The following LRGUK variants were observed in gnomAD, a reference collection of about 807,000 sequenced individuals.
The protein encoded by LRGUK is leucine rich repeats and guanylate kinase domain containing.
A neutral mutation model predicts 76.0 loss-of-function variants in LRGUK; 65 were observed. The observed-to-expected ratio is 0.85, with a 90% CI of 0.70 to 1.05. LRGUK has a LOEUF of 1.05. Among genes scored for constraint, LRGUK ranks in the 50% least tolerant of loss-of-function variants. LRGUK has a pLI of 0.00. For missense variants in LRGUK, 758 were observed against 732.8 expected (o/e 1.03, Z -0.40); for synonymous variants, 268 against 265.6 (o/e 1.01, Z -0.09).
At chr7:134,150,559 G>T (rs1049890037) in intron 5 of LRGUK, among the ~76,000 whole-genome samples, 1 of 151,716 alleles carries the variant, frequency 6.6e-6, no homozygotes, top group African/African-American at 2.4e-5. Flanking sequence ...TAGCCAGAAA[G>T]AATTCAGCAA....
At chr7:134,254,981 GT>G (rs2117219105) in intron 18 of LRGUK, among the ~76,000 whole-genome samples, 1 of 152,114 alleles carries the variant, frequency 6.6e-6, no homozygotes, top group African/African-American at 2.4e-5. Context: ...TTTCCTTCTA[GT>G]TTTCTGTATT....
At chr7:134,271,485 G>C in the LRGUK span, among the ~76,000 whole-genome samples, 1 of 151,792 alleles carries the variant, frequency 6.6e-6, no homozygotes, top group Admixed American at 6.6e-5. Context: ...TATGATGTGA[G>C]ATAGGATTGA....
rs1000382344 is a variant in LRGUK at position 134,215,604 on chromosome 7, T to A, written c.1844-6175T>A. Among the ~76,000 whole-genome samples, 8 of 149,304 alleles carry A rather than the reference T, an allele frequency of 5.4e-5. No homozygotes were observed. In the East Asian group the frequency reaches 5.8e-4, roughly 11 times the overall value. ...ATGTATACGTTTTATATAAAGCTTT[T>A]AAAAAAAAAAGGCACTTGAGAACAA... On this transcript the variant is annotated intron_variant, in intron 15 of 19. Transcript: ENST00000285928.
At chr7:134,202,039 G>C (rs776616479) in intron 15 of LRGUK, among the ~76,000 whole-genome samples, 1 of 152,158 alleles carries the variant, frequency 6.6e-6, no homozygotes, top group Non-Finnish European at 1.5e-5. Context: ...CAATGTTCCT[G>C]ATCCTAGCCC....
At chr7:134,231,135 C>T (rs563186447) in intron 16 of LRGUK, among the ~76,000 whole-genome samples, 1 of 152,268 alleles carries the variant, frequency 6.6e-6, no homozygotes, top group South Asian at 2.1e-4. Flanking sequence ...CACCCAGAGT[C>T]CAACTTGATG....
At chr7:134,261,128 G>C (rs570650324) in intron 19 of LRGUK, among the ~76,000 whole-genome samples, 1 of 152,066 alleles carries the variant, frequency 6.6e-6, no homozygotes, top group African/African-American at 2.4e-5. Context: ...ATGTTTCCAC[G>C]GGACAATAAG....
downstream of LRGUK, among the ~76,000 whole-genome samples, chr7:134,268,396 C>A (rs1182536751): frequency 3.9e-5 from 6 of 151,944 alleles, no homozygotes; most frequent in Non-Finnish European, 7.4e-5. Flanking sequence ...TCTTAAAAAA[C>A]ACAAACTCCC....
intron 1 of LRGUK, among the ~76,000 whole-genome samples, chr7:134,128,950 T>C (rs1428809468): frequency 6.6e-6 from 1 of 152,248 alleles, no homozygotes; most frequent in Non-Finnish European, 1.5e-5. Flanking sequence ...CAAAGTTTTC[T>C]TTAGGTTTTT....
chr7:134,248,689 T>C (rs1460224621), intron 17 of LRGUK, among the ~76,000 whole-genome samples: 1 of 152,224 alleles, frequency 6.6e-6, no homozygotes, highest in Non-Finnish European at 1.5e-5. Context: ...TCCAGGAAGA[T>C]AATTTGCCTA....
chr7:134,263,092 TTTGACTTTTCA>T (rs1400693010), intron 19 of LRGUK, among the ~76,000 whole-genome samples: 3 of 152,154 alleles, frequency 2.0e-5, no homozygotes, highest in African/African-American at 7.2e-5. Flanking sequence ...CAATGTTCCC[TTTGACTTTTCA>T]TTGGTTTGAT....
Position 134,161,102 on chromosome 7 carries a change from G to A in LRGUK, c.796-2295G>A, listed in dbSNP as rs557861744. On this transcript the variant is annotated intron_variant, in intron 6 of 15. Transcript: ENST00000645682. ...TAGAGATACTGTCGGAAGCATTACA[G>A]TCTATCTACCACACCTAAGGGACTT... Among the ~76,000 whole-genome samples the A allele has an allele frequency of 5.3e-5, 8 of 152,272 alleles. 2 individuals carry two copies. Among genetic ancestry groups the A allele is most frequent in the African/African-American group, 1.9e-4 (8 of 41,554 alleles).
At chr7:134,239,264 G>A (rs956657824) in intron 16 of LRGUK, among the ~76,000 whole-genome samples, 5 of 152,312 alleles carry the variant, frequency 3.3e-5, no homozygotes, top group East Asian at 3.9e-4. Context: ...CGCCTCACCC[G>A]GGAAGCGCAA....
intron 11 of LRGUK, among the ~76,000 whole-genome samples, chr7:134,189,353 G>A (rs1360896422): frequency 6.6e-6 from 1 of 152,074 alleles, no homozygotes; most frequent in East Asian, 1.9e-4. Flanking sequence ...GTGAAATGTT[G>A]CCTTCACTAT....
At chr7:134,272,501 C>T in the LRGUK span, among the ~76,000 whole-genome samples, 6 of 151,934 alleles carry the variant, frequency 3.9e-5, no homozygotes, top group African/African-American at 9.7e-5. Context: ...GAAGTAAATA[C>T]CACACAAATA....
chr7:134,240,668 G>A (rs189538563), intron 16 of LRGUK, among the ~76,000 whole-genome samples: 9 of 152,268 alleles, frequency 5.9e-5, no homozygotes, highest in Non-Finnish European at 1.0e-4. Context: ...ACCTAGCGAG[G>A]CAGGCCAACA....
chr7:134,199,504 G>A, intron 14 of LRGUK, 83 bp downstream of exon 14: 1 of 1,237,272 alleles, frequency 8.1e-7, no homozygotes, highest in Non-Finnish European at 1.1e-6. Flanking sequence ...AAAATTCTTG[G>A]GTAAAAGCTA....
At chr7:134,141,041 G>C (rs1239645565) in intron 3 of LRGUK, among the ~76,000 whole-genome samples, 2 of 152,250 alleles carry the variant, frequency 1.3e-5, no homozygotes, top group Non-Finnish European at 2.9e-5. Context: ...GTAGGAAATC[G>C]CGGAGTGGTG....
chr7:134,224,716 A>G (rs1330101574), intron 16 of LRGUK, among the ~76,000 whole-genome samples: 1 of 152,138 alleles, frequency 6.6e-6, no homozygotes, highest in Non-Finnish European at 1.5e-5. Flanking sequence ...AAAATGTCCA[A>G]TCTAAATATC....
chr7:134,251,501 T>C (rs568807285), intron 18 of LRGUK, among the ~76,000 whole-genome samples: 3 of 152,296 alleles, frequency 2.0e-5, no homozygotes, highest in Admixed American at 6.5e-5. Context: ...TTTAAGCCAC[T>C]CAGTTCATGG....
Sources: allele counts gnomAD v4.1 joint callset (sites outside exome capture counted in the v4.1 genomes callset), GRCh38; gene constraint gnomAD v4.1.1; transcripts MANE v1.5; gene names NCBI Gene and HGNC (gene_info 2026-07-23, HGNC 2026-07-21).